ZRSR2: variants seen among roughly 807,000 people sequenced by gnomAD.
The protein encoded by ZRSR2 is U2 small nuclear ribonucleoprotein auxiliary factor 35 kDa subunit-related protein 2.
Under a neutral mutation model 39.4 loss-of-function variants are expected in ZRSR2, and 3 were observed. The ratio of observed to expected loss-of-function variants is 0.08; its 90% CI spans 0.03 to 0.20. The LOEUF is 0.20. ZRSR2 is among the 10% of genes least tolerant of loss of function. The probability of loss-of-function intolerance (pLI) is 1.00; values close to 1 mark genes in which losing one functional copy is unlikely to be tolerated. For synonymous variants in ZRSR2, 137 were observed against 136.0 expected (o/e 1.01, Z -0.05); for missense variants, 256 against 391.5 (o/e 0.65, Z 2.92).
intron 2 of ZRSR2, among the ~76,000 whole-genome samples, chrX:15,795,313 C>T (rs1267032122): frequency 2.7e-5 from 3 of 110,469 alleles, no homozygotes; most frequent in African/African-American, 9.9e-5. Flanking sequence ...TCTCCCATAG[C>T]ATTGACAATC....
chrX:15,807,963 C>G (rs1362172003), intron 5 of ZRSR2, among the ~76,000 whole-genome samples: 1 of 110,487 alleles, frequency 9.1e-6, no homozygotes, highest in Non-Finnish European at 1.9e-5. Context: ...TCACTTGAGC[C>G]TGGGAGGCGG....
Position 15,819,388 on chromosome X carries a change from G to A in ZRSR2, c.827+746G>A, listed in dbSNP as rs190546505. 2.3e-4 allele frequency among the ~76,000 whole-genome samples: 25 copies of A among 109,691 alleles called. No individual in the cohort carries two copies. The East Asian group carries it at 5.8e-3, about 26-fold the overall frequency. ...CTTGGGAGGCTGAGACAGGAGAATC[G>A]CTTCAAGAGAGACCTCATCTCTACA... On this transcript the variant is annotated intron_variant, in intron 9 of 10. Coordinates refer to ENST00000307771, the MANE Select transcript of ZRSR2 (RefSeq NM_005089.4).
intron 10 of ZRSR2, among the ~76,000 whole-genome samples, chrX:15,822,279 C>A (rs945308010): frequency 8.9e-6 from 1 of 112,074 alleles, no homozygotes; most frequent in Non-Finnish European, 1.9e-5. Context: ...TGTGAGCCAC[C>A]GCACCTGGCC....
At position 15,790,553 on chromosome X, in the gene ZRSR2, G is replaced by C. The variant is rs1355107555; in HGVS notation, c.41+17G>C. 6.0e-6 allele frequency: 7 copies of C among 1,160,836 alleles called. No homozygotes were observed. The highest frequency in any genetic ancestry group is 3.3e-5 in the East Asian group (1 of 30,338). ...GAAACCAAGGTAAGCGCCGTACGGG[G>C]AGATGAGCAGGCGAGCGGGCCGATC... On this transcript the variant is annotated intron_variant, in intron 1 of 10. Coordinates refer to ENST00000307771, the MANE Select transcript of ZRSR2 (RefSeq NM_005089.4).
intron 2 of ZRSR2, among the ~76,000 whole-genome samples, chrX:15,794,198 G>A (rs777537975): frequency 9.0e-5 from 10 of 111,321 alleles, no homozygotes; most frequent in Non-Finnish European, 5.7e-5. Context: ...ATGCTCCAAT[G>A]AGCATTTCCT....
intron 2 of ZRSR2, among the ~76,000 whole-genome samples, chrX:15,791,803 TGC>T (rs1342725120): frequency 9.1e-5 from 10 of 110,328 alleles, no homozygotes; most frequent in Non-Finnish European, 7.6e-5. Flanking sequence ...ATTACAGGCG[TGC>T]GCAACCACAC....
In ZRSR2 at chrX:15,804,210, A is replaced by G; in HGVS notation, c.399+13A>G. The G allele has an allele frequency of 8.4e-7, 1 of 1,184,041 alleles. No homozygotes were observed. The highest frequency in any genetic ancestry group is 1.1e-6 in the Non-Finnish European group (1 of 885,836). On this transcript the variant is annotated intron_variant, in intron 5 of 10. Coordinates refer to ENST00000307771, the MANE Select transcript of ZRSR2 (RefSeq NM_005089.4). ...GAAAGAAAAAGAGGTGATTCCTGTC[A>G]TGGGATGTGCTGTGTGATGAGTTTG...
Position 15,822,949 on chromosome X carries a change from G to T in ZRSR2, c.1156G>T (p.Asp386Tyr), listed in dbSNP as rs777262442. Residue 386 changes from aspartate (D) to tyrosine (Y), a missense_variant, in exon 11 of 11, where the codon GAC (aspartate) becomes TAC (tyrosine). Physicochemically the swap from Asp to Tyr is radical, Grantham distance 160. Around this residue, in one of 3 missense-constraint regions of ZRSR2, gnomAD observed 111 missense variants for 116.7 expected, o/e 0.95. Transcript: ENST00000307771. ...RLRGRRNPSP[D>Y]HSYKRNGESE... Reference sequence around the variant, plus strand: ...GCGGGGAAGGAGAAACCCTAGTCCAGACCACTCCTACAAAAGAAATGGGGA... The same window carrying T: ...GCGGGGAAGGAGAAACCCTAGTCCATACCACTCCTACAAAAGAAATGGGGA... The T allele has an allele frequency of 4.1e-6, 5 of 1,211,180 alleles. No individual in the cohort carries two copies. Among genetic ancestry groups the T allele is most frequent in the Non-Finnish European group, 5.6e-6 (5 of 895,504 alleles).
Position 15,799,903 on chromosome X carries a change from T to A in ZRSR2, c.153T>A (p.Thr51=). Residue 51 remains threonine, a synonymous_variant, in exon 3 of 11, where the codon ACT becomes ACA. Transcript: ENST00000307771. ...CACAGAAGGAGGAAGAGGAGGACACTTTTATTGAAGAACAACAACTAGAAG... is the reference window on the plus strand; with the variant it reads ...CACAGAAGGAGGAAGAGGAGGACACATTTATTGAAGAACAACAACTAGAAG... ...GLSQKEEEED[T]FIEEQQLEEE... The A allele has an allele frequency of 8.3e-7, 1 of 1,205,617 alleles. No individual in the cohort carries two copies. The highest frequency in any genetic ancestry group is 3.0e-5 in the East Asian group (1 of 33,675).
intron 3 of ZRSR2, among the ~76,000 whole-genome samples, chrX:15,802,953 T>C (rs1380295432): frequency 4.5e-5 from 5 of 110,103 alleles, no homozygotes; most frequent in African/African-American, 1.7e-4. Flanking sequence ...CGTGCTGCCA[T>C]CATGGAATTG....
At chrX:15,806,175 G>T (rs200794606) in intron 5 of ZRSR2, among the ~76,000 whole-genome samples, 1 of 103,780 alleles carries the variant, frequency 9.6e-6, no homozygotes, top group Non-Finnish European at 2.0e-5. Flanking sequence ...CTGAGGGAGA[G>T]GGGGCAGTGG....
At chrX:15,797,949 C>T (rs1932537844) in intron 2 of ZRSR2, among the ~76,000 whole-genome samples, 1 of 111,954 alleles carries the variant, frequency 8.9e-6, no homozygotes, top group Admixed American at 9.5e-5. Context: ...TAATCTATGG[C>T]ATACCTCTGC....
At chrX:15,804,040 C>T in intron 4 of ZRSR2, 71 bp from the exon 5 acceptor site, 1 of 1,072,772 alleles carries the variant, frequency 9.3e-7, no homozygotes, top group Non-Finnish European at 1.2e-6. Context: ...AGTTTTTCAT[C>T]TATGTGCGCT....
At chrX:15,811,061 G>A (rs1932873650) in intron 7 of ZRSR2, among the ~76,000 whole-genome samples, 1 of 109,529 alleles carries the variant, frequency 9.1e-6, no homozygotes. Context: ...GCAGATGTCT[G>A]GAATGTCTGT....
At chrX:15,820,102 C>A in intron 9 of ZRSR2, 105 bp from the exon 10 acceptor site, 4 of 696,983 alleles carry the variant, frequency 5.7e-6, no homozygotes, top group Non-Finnish European at 4.4e-6. Flanking sequence ...AATCAGTGAA[C>A]TTGGTGGTCC....
chrX:15,810,743 G>A (rs1363285122), intron 7 of ZRSR2, among the ~76,000 whole-genome samples: 1 of 108,162 alleles, frequency 9.2e-6, no homozygotes, highest in African/African-American at 3.4e-5. Context: ...AGGGCCAGGC[G>A]CGGTGGCTCA....
intron 2 of ZRSR2, among the ~76,000 whole-genome samples, chrX:15,798,951 G>T (rs1383004235): frequency 9.0e-6 from 1 of 111,499 alleles, no homozygotes; most frequent in Non-Finnish European, 1.9e-5. Context: ...ACTTTGGGAG[G>T]CCGAGGCAGG....
intron 10 of ZRSR2, among the ~76,000 whole-genome samples, chrX:15,821,999 T>C (rs1056803601): frequency 3.8e-5 from 4 of 106,298 alleles, no homozygotes; most frequent in African/African-American, 1.4e-4. Context: ...AGGCCTTCTC[T>C]TTTTTTTTTG....
chrX:15,810,013 C>T (rs1351420266), intron 7 of ZRSR2, among the ~76,000 whole-genome samples: 1 of 111,776 alleles, frequency 8.9e-6, no homozygotes, highest in Non-Finnish European at 1.9e-5. Context: ...TTCGTTCTCT[C>T]ATCTATGAAA....
Sources: gnomAD v4.1 joint callset for allele counts (sites outside exome capture counted in the v4.1 genomes callset) on GRCh38, gnomAD v4.1.1 for gene constraint, gnomAD v4.1.1 regional missense constraint, MANE v1.5 for transcripts, NCBI Gene and HGNC (gene_info 2026-07-23, HGNC 2026-07-21) for gene names.